Variants in MCCC1 observed in about 807,000 individuals in gnomAD.
The protein encoded by MCCC1 is methylcrotonyl-CoA carboxylase subunit 1.
A neutral mutation model predicts 83.8 loss-of-function variants in MCCC1; 64 were observed. The observed-to-expected ratio is 0.76, with a 90% CI of 0.62 to 0.94. The LOEUF (loss-of-function observed/expected upper bound fraction) is 0.94. Among genes scored for constraint, MCCC1 ranks in the 40% least tolerant of loss-of-function variants. The pLI is 0.00. For synonymous variants in MCCC1, 322 were observed against 315.4 expected (o/e 1.02, Z -0.22); for missense variants, 807 against 904.7 (o/e 0.89, Z 1.39).
intron 8 of MCCC1, among the ~76,000 whole-genome samples, chr3:183,055,335 G>T (rs1433973118): frequency 1.3e-5 from 2 of 151,960 alleles, no homozygotes; most frequent in Admixed American, 6.5e-5. Flanking sequence ...GCTTAAACCC[G>T]CGAGGCGGAG....
At chr3:183,075,818 A>T (rs913552944) in intron 4 of MCCC1, among the ~76,000 whole-genome samples, 3 of 151,288 alleles carry the variant, frequency 2.0e-5, no homozygotes, top group Non-Finnish European at 4.4e-5. Context: ...GGAATTACAG[A>T]CGTGAGCCAC....
In MCCC1 at chr3:183,111,990, A is replaced by T. The variant is rs1036503878; in HGVS notation, c.-102+3484T>A. Among the ~76,000 whole-genome samples, 14 of 147,480 alleles carry T rather than the reference A, an allele frequency of 9.5e-5. No individual in the cohort carries two copies. In the East Asian group the frequency reaches 2.0e-3, roughly 21 times the overall value. On this transcript the variant is annotated intron_variant, in intron 1 of 17. Coordinates refer to the MCCC1 transcript ENST00000492597. ...ACATTGTTTTGGCTTTCCTAAATTT[A>T]AAAAAAAAAACATTCCTCAATAAAT...
rs376444968 is a variant in MCCC1, at chr3:183,037,167, T to G, written c.1594+51A>C. On this transcript the variant is annotated intron_variant, in intron 13 of 18. Transcript: ENST00000265594. The stretch of plus-strand genomic sequence containing the variant: ...CATACAGAAAGAAAAGCATGTTCAA[T>G]GATGATTTGCAAAACTTGACAAGCA... 1.4e-3 allele frequency: 2,161 copies of G among 1,563,596 alleles called. 2 individuals carry two copies. Among genetic ancestry groups the G allele is most frequent in the Non-Finnish European group, 1.8e-3 (2,038 of 1,136,004 alleles).
chr3:183,020,938 C>T (rs971000607), intron 16 of MCCC1, among the ~76,000 whole-genome samples: 2 of 151,308 alleles, frequency 1.3e-5, no homozygotes, highest in African/African-American at 4.9e-5. Flanking sequence ...CGGGCGCCTG[C>T]AGTCCCAGCT....
chr3:183,077,002 C>T (rs528096921), intron 4 of MCCC1, among the ~76,000 whole-genome samples: 7 of 152,260 alleles, frequency 4.6e-5, no homozygotes, highest in African/African-American at 1.7e-4. Flanking sequence ...TCTTTTGTGA[C>T]TGGCTCTGTC....
In MCCC1 at chr3:183,041,648, T is replaced by C. The variant is rs775316461; in HGVS notation, c.1186A>G (p.Met396Val). ...TGCACTAATGGGCCTGCCACAGGCA[T>C]GAAGTTATTGCTAGGATCTTCTGCA... ...IYAEDPSNNF[M>V]PVAGPLVHLS... The change falls in exon 11 of 19, where the codon ATG becomes GTG. Residue 396 changes from methionine (M) to valine (V), a missense_variant. Met to Val is a conservative substitution (Grantham distance 21). Coordinates refer to ENST00000265594, the MANE Select transcript of MCCC1 (RefSeq NM_020166.5). 3.7e-6 allele frequency: 6 copies of C among 1,614,138 alleles called. No individual in the cohort carries two copies. The highest frequency in any genetic ancestry group is 1.1e-5 in the South Asian group (1 of 91,094).
At chr3:183,109,235 G>A (rs1173254355) in intron 1 of MCCC1, among the ~76,000 whole-genome samples, 4 of 151,956 alleles carry the variant, frequency 2.6e-5, no homozygotes, top group Non-Finnish European at 5.9e-5. Context: ...CTGGTGATCC[G>A]CCCACCTCGA....
At chr3:183,091,198 C>T (rs369084082) in intron 3 of MCCC1, among the ~76,000 whole-genome samples, 1 of 152,192 alleles carries the variant, frequency 6.6e-6, no homozygotes, top group African/African-American at 2.4e-5. Flanking sequence ...GATGCTAGTG[C>T]TTGGAGTCTT....
At chr3:183,022,340 C>G in intron 16 of MCCC1, 77 bp downstream of exon 16, 1 of 1,536,858 alleles carries the variant, frequency 6.5e-7, no homozygotes, top group Non-Finnish European at 9.0e-7. Flanking sequence ...TCTTTCTAAT[C>G]TCTTTCAGTG....
upstream of MCCC1, among the ~76,000 whole-genome samples, chr3:183,102,245 A>G (rs998995134): frequency 6.6e-6 from 1 of 152,132 alleles, no homozygotes; most frequent in Non-Finnish European, 1.5e-5. Context: ...GCACACTTGT[A>G]GTCCCAGCTA....
intron 3 of MCCC1, among the ~76,000 whole-genome samples, chr3:183,088,025 C>G (rs987501118): frequency 6.6e-6 from 1 of 151,782 alleles, no homozygotes; most frequent in Non-Finnish European, 1.5e-5. Flanking sequence ...GCTGAGTGAC[C>G]GAAGAAGGCT....
Position 183,025,736 on chromosome 3 carries a change from C to T in MCCC1, c.1731+19G>A. ...TCAGATTCAGCTCTGCACTGTAGAA[C>T]AAAACCAGTAAGGCTTACCTGCATG... On this transcript the variant is annotated intron_variant, in intron 15 of 18. Transcript: ENST00000265594. 6.2e-7 allele frequency: 1 copy of T among 1,611,398 alleles called. No individual in the cohort carries two copies. Among genetic ancestry groups the T allele is most frequent in the Non-Finnish European group, 8.5e-7 (1 of 1,177,570 alleles).
intron 16 of MCCC1, 119 bp from the exon 17 acceptor site, chr3:183,020,356 G>T: frequency 1.2e-6 from 1 of 863,130 alleles, no homozygotes; most frequent in Non-Finnish European, 1.9e-6. Flanking sequence ...TCATGGCCAG[G>T]CCCAGTGGCT....
chr3:183,041,823 G>T, intron 10 of MCCC1, 73 bp from the exon 11 acceptor site: 1 of 1,540,394 alleles, frequency 6.5e-7, no homozygotes, highest in Non-Finnish European at 9.0e-7. Flanking sequence ...CAATGGTCTT[G>T]CTTTTTTTCT....
At chr3:183,023,251 T>C (rs571648845) in intron 15 of MCCC1, among the ~76,000 whole-genome samples, 86 of 152,326 alleles carry the variant, frequency 5.6e-4, no homozygotes, top group South Asian at 1.4e-3. Context: ...ATTCCCACAA[T>C]GCTAGTGTAG....
At chr3:183,054,765 A>G (rs192905317) in intron 8 of MCCC1, among the ~76,000 whole-genome samples, 1 of 152,328 alleles carries the variant, frequency 6.6e-6, no homozygotes, top group Admixed American at 6.5e-5. Context: ...CATGGTAAGT[A>G]TTCCACATAG....
At chr3:183,033,964 T>A (rs1396263779) in intron 14 of MCCC1, 27 bp downstream of exon 14, 1 of 1,506,508 alleles carries the variant, frequency 6.6e-7, no homozygotes, top group Non-Finnish European at 9.2e-7. Flanking sequence ...ATGACTCACA[T>A]TTCTCTTTTA....
intron 15 of MCCC1, 128 bp downstream of exon 15, chr3:183,025,626 TA>T: frequency 1.2e-6 from 1 of 861,726 alleles, no homozygotes; most frequent in South Asian, 1.4e-5. Flanking sequence ...AATACAAGCA[TA>T]AGATATTCTC....
chr3:183,096,829 T>C (rs1294226482), intron 1 of MCCC1, among the ~76,000 whole-genome samples: 3 of 152,240 alleles, frequency 2.0e-5, no homozygotes, highest in Non-Finnish European at 2.9e-5. Flanking sequence ...AGGTATTTTC[T>C]AGCTCATAGC....
Sources: gnomAD v4.1 joint callset for allele counts (sites outside exome capture counted in the v4.1 genomes callset) on GRCh38, gnomAD v4.1.1 for gene constraint, MANE v1.5 for transcripts, NCBI Gene and HGNC (gene_info 2026-07-23, HGNC 2026-07-21) for gene names.